Variants in TVP23A observed in about 807,000 individuals in gnomAD.
TVP23A encodes the protein trans-golgi network vesicle protein 23 homolog A, also known as Golgi apparatus membrane protein TVP23 homolog A.
TVP23A carries 21 observed loss-of-function variants against 31.7 expected under a neutral mutation model. That is an observed-to-expected ratio of 0.66 (90% CI 0.47 to 0.95). The LOEUF is 0.95. TVP23A is among the 40% of genes least tolerant of loss of function. TVP23A has a pLI of 0.00. For synonymous variants in TVP23A, 104 were observed against 96.0 expected, an observed-to-expected ratio of 1.08 and a Z score of -0.49; for missense variants, 279 against 255.6, an observed-to-expected ratio of 1.09 and a Z score of -0.62.
At chr16:10,761,995 C>G (rs1251393900), downstream of TVP23A, 11 of 660,368 alleles carry the variant, frequency 1.7e-5, 1 homozygote, top group Middle Eastern at 7.9e-4. Flanking sequence ...CCAGACCCAC[C>G]CTCCAGCTGG....
rs145878055 is a variant in TVP23A, at chr16:10,777,297, G to A, written c.90-2201C>T. Among the ~76,000 whole-genome samples the A allele has an allele frequency of 4.6e-5, 7 of 152,282 alleles. No individual in the cohort carries two copies. The East Asian group carries it at 1.3e-3, about 29-fold the overall frequency. On this transcript the variant is annotated intron_variant, in intron 2 of 7. Coordinates refer to ENST00000299866, the MANE Select transcript of TVP23A (RefSeq NM_001079512.4). The surrounding 1 kb of genome is among the most constrained non-coding windows in gnomAD (Gnocchi z 4.5). Reference sequence around the variant, plus strand: ...AATCCAGACTTGCAATGGGAAATCTGATTTTAAATGATGGCCACTAATTCT... The same window carrying A: ...AATCCAGACTTGCAATGGGAAATCTAATTTTAAATGATGGCCACTAATTCT...
In TVP23A at chr16:10,770,274, A is replaced by C; in HGVS notation, c.640T>G (p.Ter214GluextTer10). 1 of 1,550,738 alleles carries C rather than the reference A, an allele frequency of 6.4e-7. No individual in the cohort carries two copies. The highest frequency in any genetic ancestry group is 8.7e-7 in the Non-Finnish European group (1 of 1,146,660). The change falls in exon 7 of 8, where the codon TAG becomes GAG. Residue 214 changes from the stop codon to glutamate (E), a stop_lost and splice_region_variant. Coordinates refer to ENST00000299866, the MANE Select transcript of TVP23A (RefSeq NM_001079512.4). The stretch of plus-strand genomic sequence containing the variant: ...GGGTGCCATGATCCATTTCTCACCT[A>C]ATGCTGGTGAATCTCCAGCCCCTCG... Reference protein sequence around the residue: ...GLEGLEIHQH* With the variant: ...GLEGLEIHQHE
chr16:10,768,945 G>A lies in TVP23A; in HGVS notation c.*157C>T, dbSNP rs143629086. The stretch of plus-strand genomic sequence containing the variant: ...AGGTCTTTTTATGGAACTAGCCAGA[G>A]GATTCCACCCCTGTCAAAACACAGC... On this transcript the variant is annotated 3_prime_UTR_variant, in exon 8 of 8. Transcript: ENST00000299866. The surrounding 1 kb of genome is among the most constrained non-coding windows in gnomAD (Gnocchi z 4.3). The A allele has an allele frequency of 7.9e-4, 795 of 1,012,710 alleles. 3 individuals carry two copies. The highest frequency in any genetic ancestry group is 6.2e-5 in the Non-Finnish European group (40 of 649,716). 62.7% of individuals were successfully genotyped at this position (1,012,710 alleles called of 1,614,324 possible).
At chr16:10,769,964 T>C (rs189966675) in intron 7 of TVP23A, among the ~76,000 whole-genome samples, 2 of 152,284 alleles carry the variant, frequency 1.3e-5, no homozygotes, top group East Asian at 3.9e-4. Context: ...AATCCCCTTG[T>C]TCTTTCCCTC....
intron 2 of TVP23A, among the ~76,000 whole-genome samples, chr16:10,794,942 G>T (rs1393979570): frequency 6.6e-6 from 1 of 152,004 alleles, no homozygotes; most frequent in Non-Finnish European, 1.5e-5. Context: ...AGTAACACAG[G>T]CGACCCGAGG....
rs752648817 is a variant in TVP23A, at chr16:10,774,987, G to A, written c.199C>T (p.Leu67=). The part of the protein sequence containing the change: ...KSFVGCFVMV[L]LLLSLDFWSV... ...CAGAAGTCCAGGGACAGGAGGAGCA[G>A]CACCATGACAAAACAGCCCACAAAG... Residue 67 remains leucine (L), a synonymous_variant, in exon 3 of 8, where the codon CTG becomes TTG. Transcript: ENST00000299866. The A allele has an allele frequency of 1.9e-6, 3 of 1,613,040 alleles. No homozygotes were observed. Among genetic ancestry groups the A allele is most frequent in the Admixed American group, 1.7e-5 (1 of 59,896 alleles).
At chr16:10,787,033 TG>T (rs1280955515) in intron 2 of TVP23A, among the ~76,000 whole-genome samples, 1 of 152,098 alleles carries the variant, frequency 6.6e-6, no homozygotes, top group East Asian at 1.9e-4. Context: ...TCCTTTCTTC[TG>T]GGCTTACCAG....
intron 2 of TVP23A, among the ~76,000 whole-genome samples, chr16:10,813,983 G>C (rs1310949906): frequency 1.4e-5 from 1 of 73,616 alleles, no homozygotes; most frequent in Non-Finnish European, 2.7e-5. Context: ...TGGGCAAAAA[G>C]AGTGAAACTC....
chr16:10,780,274 T>C (rs1282546698), intron 2 of TVP23A, among the ~76,000 whole-genome samples: 1 of 152,154 alleles, frequency 6.6e-6, no homozygotes, highest in African/African-American at 2.4e-5. Context: ...TGCTAAATGA[T>C]GGAGGTTTGG....
chr16:10,757,975 G>A (rs765822299), downstream of TVP23A: 13 of 1,613,910 alleles, frequency 8.1e-6, no homozygotes, highest in Admixed American at 1.0e-4. This position sits in a 1 kb window ranked among gnomAD's most constrained non-coding sequence, Gnocchi z 4.1. Context: ...TCGGTCGTCC[G>A]GTACCTGGCC....
intron 2 of TVP23A, among the ~76,000 whole-genome samples, chr16:10,801,362 T>A (rs2033686094): frequency 6.6e-6 from 1 of 152,188 alleles, no homozygotes; most frequent in Non-Finnish European, 1.5e-5. Flanking sequence ...TCCTCAAAAT[T>A]GCTGCCCTTT....
At chr16:10,762,359 T>A (rs1798972330), downstream of TVP23A, among the ~76,000 whole-genome samples, 1 of 152,108 alleles carries the variant, frequency 6.6e-6, no homozygotes, top group Admixed American at 6.5e-5. Context: ...CAAAAAATGC[T>A]CTTCTTAAGT....
intron 2 of TVP23A, among the ~76,000 whole-genome samples, chr16:10,805,150 G>C (rs920713153): frequency 2.0e-5 from 3 of 152,116 alleles, no homozygotes; most frequent in South Asian, 4.2e-4. Context: ...TTGTGCCTCA[G>C]CCTCCCAAGT....
rs536972636 is a variant in TVP23A at position 10,771,627 on chromosome 16, A to G, written c.582+43T>C. 69 of 1,609,436 alleles carry G rather than the reference A, an allele frequency of 4.3e-5. 1 individual carries two copies. The South Asian group carries it at 7.5e-4, about 17-fold the overall frequency. ...CCAGCAGGCCACCTTGACTTTGACT[A>G]CCTGGAGAGGAGTGGTCCAAGAGTC... On this transcript the variant is annotated intron_variant, in intron 6 of 7. Transcript: ENST00000299866.
intron 6 of TVP23A, 30 bp downstream of exon 6, chr16:10,771,640 T>C (rs1265624618): frequency 1.2e-6 from 2 of 1,611,334 alleles, no homozygotes; most frequent in Admixed American, 3.3e-5. Context: ...TGGAGAGGAG[T>C]GGTCCAAGAG....
chr16:10,760,218 C>T (rs577022182), downstream of TVP23A, among the ~76,000 whole-genome samples: 1 of 152,352 alleles, frequency 6.6e-6, no homozygotes, highest in South Asian at 2.1e-4. Flanking sequence ...AGGAAGTAGG[C>T]GTTGCGGACC....
downstream of TVP23A, chr16:10,762,162 C>T (rs574491686): frequency 1.8e-4 from 46 of 249,518 alleles, no homozygotes; most frequent in Non-Finnish European, 2.7e-4. Context: ...GATAGAGGGG[C>T]GGCTCCAGGG....
At chr16:10,761,469 T>C (rs1249688295) in exon 9 of TVP23A, 2 of 1,613,662 alleles carry the variant, frequency 1.2e-6, no homozygotes, top group East Asian at 2.2e-5. Context: ...CTGTCCTAAG[T>C]GCAAGGTGAG....
rs959712572 is a variant in TVP23A, at chr16:10,768,711, G to C, written c.*391C>G. 4.0e-5 allele frequency: 10 copies of C among 252,404 alleles called. No individual in the cohort carries two copies. Among genetic ancestry groups the C allele is most frequent in the Non-Finnish European group, 6.0e-5 (8 of 134,264 alleles). The allele number at this position is 252,404 out of a possible 1,614,324, so 15.6% of individuals were successfully genotyped here. On this transcript the variant is annotated 3_prime_UTR_variant, in exon 8 of 8. Transcript: ENST00000299866. The surrounding 1 kb of genome is among the most constrained non-coding windows in gnomAD (Gnocchi z 4.3). The stretch of plus-strand genomic sequence containing the variant: ...CATCAGAGGCCCCAGAGTTAGGGCA[G>C]AGGTGTCAGTGTTTGTTAAAGCTGT...
Sources: gnomAD v4.1 joint callset for allele counts (sites outside exome capture counted in the v4.1 genomes callset) on GRCh38, gnomAD v4.1.1 for gene constraint, Gnocchi (gnomAD v3.1) non-coding constraint, MANE v1.5 for transcripts, NCBI Gene and HGNC (gene_info 2026-07-23, HGNC 2026-07-21) for gene names.